The following IQSEC2 variants were observed in gnomAD, a reference collection of about 807,000 sequenced individuals.
IQSEC2 encodes IQ motif and SEC7 domain-containing protein 2.
A neutral mutation model predicts 74.6 loss-of-function variants in IQSEC2; 6 were observed. The observed-to-expected ratio is 0.08, with a 90% CI of 0.04 to 0.16. The LOEUF (loss-of-function observed/expected upper bound fraction) is 0.16. Among genes scored for constraint, IQSEC2 ranks in the 10% least tolerant of loss-of-function variants. The pLI, the probability that IQSEC2 is intolerant of heterozygous loss-of-function variation, is 1.00. For synonymous variants in IQSEC2, 494 were observed against 544.5 expected (o/e 0.91, Z 1.29); for missense variants, 734 against 1,306.2 (o/e 0.56, Z 6.75).
At position 53,233,028 on chromosome X, in the gene IQSEC2, A is replaced by T. The variant is rs782618959; in HGVS notation, c.*1191T>A. ...CCCCAGTGGCCCTGGCCCTTCGTACAGCCAGGGTCCATCTGTCTGTCTATA... is the reference window on the plus strand; with the variant it reads ...CCCCAGTGGCCCTGGCCCTTCGTACTGCCAGGGTCCATCTGTCTGTCTATA... On this transcript the variant is annotated 3_prime_UTR_variant, in exon 15 of 15. Transcript: ENST00000642864. 9.0e-6 allele frequency: 1 copy of T among 111,037 alleles called. No individual in the cohort carries two copies. The highest frequency in any genetic ancestry group is 2.9e-4 in the East Asian group (1 of 3,504). 9.2% of individuals were successfully genotyped at this position (111,037 alleles called of 1,213,427 possible).
chrX:53,268,515 G>A (rs1556868132), intron 2 of IQSEC2, among the ~76,000 whole-genome samples: 1 of 111,288 alleles, frequency 9.0e-6, no homozygotes, highest in African/African-American at 3.3e-5. Context: ...AGGCTGTCAT[G>A]AGGAACAAGT....
At chrX:53,284,381 C>T (rs2075005262) in intron 2 of IQSEC2, among the ~76,000 whole-genome samples, 1 of 109,601 alleles carries the variant, frequency 9.1e-6, no homozygotes, top group South Asian at 4.0e-4. Flanking sequence ...ACCTGCACCC[C>T]ACCCAGACAG....
chrX:53,275,837 G>C (rs60966347), intron 2 of IQSEC2, among the ~76,000 whole-genome samples: 6,817 of 94,585 alleles, frequency 0.072, 648 homozygotes, highest in African/African-American at 0.25. Flanking sequence ...GGGACTACAG[G>C]CACCCGCCAC....
chrX:53,236,925 A>G (rs1174490389), intron 12 of IQSEC2, among the ~76,000 whole-genome samples: 6 of 111,758 alleles, frequency 5.4e-5, no homozygotes, highest in African/African-American at 1.6e-4. Flanking sequence ...GCAAAGGGCA[A>G]TCTTTCCAGA....
Position 53,255,808 on chromosome X carries a change from C to T in IQSEC2, c.991G>A (p.Asp331Asn), listed in dbSNP as rs1556864973. Reference protein sequence around the residue: ...DSYELSTDLQDKKVEMLERKY... With the variant: ...DSYELSTDLQNKKVEMLERKY... ...AGATGCCTCTGTTGCACCTTCTTGT[C>T]CTGCAGGTCTGTGGAGAGTTCATAG... The change falls in exon 3 of 15, where the codon GAC (aspartate) becomes AAC (asparagine). Residue 331 changes from aspartate to asparagine, a missense_variant. Transcript: ENST00000642864. The T allele has an allele frequency of 2.5e-6, 3 of 1,211,954 alleles. No homozygotes were observed. Among genetic ancestry groups the T allele is most frequent in the East Asian group, 5.9e-5 (2 of 33,855 alleles).
At chrX:53,273,332 T>C (rs1354223306) in intron 2 of IQSEC2, among the ~76,000 whole-genome samples, 10 of 110,693 alleles carry the variant, frequency 9.0e-5, no homozygotes, top group African/African-American at 3.3e-4. Flanking sequence ...CACACTACGG[T>C]GTCATTGTCT....
rs188546066 is a variant in IQSEC2 at position 53,245,093 on chromosome X, T to C, written c.2750-1622A>G. 3.0e-3 allele frequency among the ~76,000 whole-genome samples: 332 copies of C among 109,405 alleles called. 3 individuals are homozygous for C. The highest frequency in any genetic ancestry group is 0.011 in the African/African-American group (315 of 29,991). On this transcript the variant is annotated intron_variant, in intron 8 of 14. Coordinates refer to ENST00000642864, the MANE Select transcript of IQSEC2 (RefSeq NM_001111125.3). ...CCCATGTTCACCATCCTTCTCCACT[T>C]CTGATTGCTGAGTGAAACCCACTCA...
intron 8 of IQSEC2, 109 bp downstream of exon 8, chrX:53,246,860 G>T: frequency 2.9e-6 from 2 of 692,917 alleles, no homozygotes; most frequent in Non-Finnish European, 4.5e-6. Flanking sequence ...GAAAGTGACA[G>T]CATCACAAAT....
intron 1 of IQSEC2, among the ~76,000 whole-genome samples, chrX:53,297,274 C>G (rs1239151443): frequency 9.0e-6 from 1 of 111,511 alleles, no homozygotes; most frequent in Non-Finnish European, 1.9e-5. Flanking sequence ...ATATGACATA[C>G]TATGATTACA....
intron 1 of IQSEC2, among the ~76,000 whole-genome samples, chrX:53,304,985 C>G (rs1178013191): frequency 9.0e-6 from 1 of 110,627 alleles, no homozygotes; most frequent in African/African-American, 3.3e-5. Flanking sequence ...GTGGTGCAAT[C>G]TCGGCTCACT....
intron 2 of IQSEC2, among the ~76,000 whole-genome samples, chrX:53,284,990 C>G (rs2075011619): frequency 8.9e-6 from 1 of 112,454 alleles, no homozygotes; most frequent in Non-Finnish European, 1.9e-5. Flanking sequence ...TGCTCCCTTT[C>G]CAGATGAGAC....
chrX:53,238,244 T>C lies in IQSEC2; in HGVS notation c.3178A>G (p.Ile1060Val), dbSNP rs782263065. Residue 1060 changes from isoleucine to valine, a missense_variant, in exon 12 of 15, where the codon ATC becomes GTC. Ile to Val is a conservative substitution (Grantham distance 29). This residue lies in a region of IQSEC2 where 249 missense variants were observed against 467.9 expected (regional missense o/e 0.53). Coordinates refer to ENST00000642864, the MANE Select transcript of IQSEC2 (RefSeq NM_001111125.3). ...TCCTGGAGGCTGGGGGCATTGAAGA[T>C]GATGAGGACTTTTCGCTCCCCACCA... is the stretch of plus-strand genomic sequence containing the variant. ...VPGGERKVLI[I>V]FNAPSLQDRL... 25 of 1,211,238 alleles carry C rather than the reference T, an allele frequency of 2.1e-5. No individual in the cohort carries two copies. Among genetic ancestry groups the C allele is most frequent in the South Asian group, 1.8e-4 (10 of 56,873 alleles).
chrX:53,290,566 G>T (rs912997429), intron 2 of IQSEC2, among the ~76,000 whole-genome samples: 3 of 111,830 alleles, frequency 2.7e-5, no homozygotes, highest in Admixed American at 9.4e-5. Flanking sequence ...AGGACAAGCT[G>T]TGCCCATGAC....
intron 4 of IQSEC2, among the ~76,000 whole-genome samples, 187 bp downstream of exon 4, chrX:53,254,343 A>AAAAAAGG (rs1556864471): frequency 2.1e-4 from 23 of 109,106 alleles, no homozygotes; most frequent in African/African-American, 7.0e-4. Context: ...AAAAAAAAAA[A>AAAAAAGG]AAAAAGGTAA....
At chrX:53,285,181 G>C (rs781895660) in intron 2 of IQSEC2, among the ~76,000 whole-genome samples, 1 of 111,888 alleles carries the variant, frequency 8.9e-6, no homozygotes, top group South Asian at 3.8e-4. Flanking sequence ...TGTCAGCTTG[G>C]AGAAGCCTCC....
At chrX:53,298,043 T>C (rs2075172525) in intron 1 of IQSEC2, among the ~76,000 whole-genome samples, 1 of 111,655 alleles carries the variant, frequency 9.0e-6, no homozygotes, top group African/African-American at 3.3e-5. Context: ...AGCTGAAGAA[T>C]AGCTTGAACC....
intron 2 of IQSEC2, among the ~76,000 whole-genome samples, chrX:53,283,153 T>C (rs1263151115): frequency 3.6e-5 from 4 of 111,916 alleles, no homozygotes; most frequent in East Asian, 2.8e-4. Context: ...GAGGCGGAGG[T>C]TGCAGTGAGC....
intron 1 of IQSEC2, among the ~76,000 whole-genome samples, chrX:53,302,431 A>ATAGT (rs1479735380): frequency 8.9e-6 from 1 of 112,266 alleles, no homozygotes; most frequent in Non-Finnish European, 1.9e-5. Flanking sequence ...TCAAATTTGA[A>ATAGT]TAGTTAGCCA....
intron 12 of IQSEC2, 177 bp downstream of exon 12, chrX:53,237,968 G>C: frequency 1.9e-6 from 1 of 514,503 alleles, no homozygotes; most frequent in Non-Finnish European, 3.4e-6. Context: ...GGGTTGGGAG[G>C]TAATGAGCCC....
Sources: allele counts gnomAD v4.1 joint callset (sites outside exome capture counted in the v4.1 genomes callset), GRCh38; gene constraint gnomAD v4.1.1; regional missense constraint gnomAD v4.1.1; transcripts MANE v1.5; gene names NCBI Gene and HGNC (gene_info 2026-07-23, HGNC 2026-07-21).